TNRC18: variants seen among roughly 807,000 people sequenced by gnomAD.
TNRC18 encodes the protein trinucleotide repeat containing 18, also known as trinucleotide repeat-containing gene 18 protein.
In TNRC18, 69 loss-of-function variants were observed where a neutral mutation model predicts 226.7. The ratio of observed to expected loss-of-function variants is 0.30; its 90% CI spans 0.25 to 0.37. The LOEUF (loss-of-function observed/expected upper bound fraction) is 0.37, where lower values mean the gene tolerates loss of function less well. Ranked by LOEUF, TNRC18 falls within the 10% of genes least tolerant of loss-of-function variation. The pLI, the probability that TNRC18 is intolerant of heterozygous loss-of-function variation, is 1.00. For synonymous variants in TNRC18, 2,449 were observed against 1,927.6 expected, an observed-to-expected ratio of 1.27 and a Z score of -7.09; for missense variants, 4,754 against 4,256.6, an observed-to-expected ratio of 1.12 and a Z score of -3.25.
intron 16 of TNRC18, among the ~76,000 whole-genome samples, chr7:5,356,501 G>A (rs1351314264): frequency 6.6e-6 from 1 of 152,242 alleles, no homozygotes; most frequent in Non-Finnish European, 1.5e-5. Flanking sequence ...AGGGGAGTCC[G>A]GTCACCTCTA....
chr7:5,309,135 G>A lies in TNRC18; in HGVS notation c.8622C>T (p.Gly2874=). The A allele has an allele frequency of 2.5e-6, 4 of 1,607,932 alleles. No individual in the cohort carries two copies. Among genetic ancestry groups the A allele is most frequent in the Non-Finnish European group, 3.4e-6 (4 of 1,177,974 alleles). The change falls in exon 28 of 30, where the codon GGC becomes GGT. Residue 2874 remains glycine, a synonymous_variant. Transcript: ENST00000430969. The surrounding 1 kb of genome is among the most constrained non-coding windows in gnomAD (Gnocchi z 5.7). ...CGCAGCCGGGCCGCAGGCTCACCTG[G>A]CCCTGGTGGAACTGCTTGCCCGGGC... ...ETSPGKQFHQ[G]QHWDQKSSRS... is the part of the protein sequence containing the mutation.
intron 16 of TNRC18, 37 bp downstream of exon 16, chr7:5,356,879 G>C: frequency 6.7e-7 from 1 of 1,487,176 alleles, no homozygotes; most frequent in East Asian, 2.5e-5. Flanking sequence ...AAGGAGAGAA[G>C]CAGCGGACCA....
rs1484255816 is a variant in TNRC18 at position 5,352,111 on chromosome 7, T to G, written c.5195-17A>C. 1.3e-6 allele frequency: 2 copies of G among 1,584,868 alleles called. No homozygotes were observed. Among genetic ancestry groups the G allele is most frequent in the Admixed American group, 1.8e-5 (1 of 54,712 alleles). On this transcript the variant is annotated splice_polypyrimidine_tract_variant and intron_variant, in intron 16 of 29. Transcript: ENST00000430969. ...AGTCCGTATCTGCAGTCAAAGTAGT[T>G]TTTAATAGAGATAAGTCACAGGGCA...
At chr7:5,403,134 T>TCATA (rs1781223729) in intron 2 of TNRC18, among the ~76,000 whole-genome samples, 1 of 151,182 alleles carries the variant, frequency 6.6e-6, no homozygotes, top group Non-Finnish European at 1.5e-5. Context: ...AGACAGCCCT[T>TCATA]CATAACCAAA....
chr7:5,346,011 C>G (rs1473158389), intron 17 of TNRC18, among the ~76,000 whole-genome samples: 1 of 152,230 alleles, frequency 6.6e-6, no homozygotes, highest in Non-Finnish European at 1.5e-5. Flanking sequence ...CTGAGCCCAA[C>G]GCGGGCATCC....
intron 15 of TNRC18, among the ~76,000 whole-genome samples, chr7:5,358,601 G>A (rs1583901188): frequency 1.3e-5 from 2 of 152,266 alleles, no homozygotes; most frequent in East Asian, 3.9e-4. Flanking sequence ...ATCACCTGAG[G>A]TCAGGAGTTC....
intron 19 of TNRC18, among the ~76,000 whole-genome samples, chr7:5,326,991 G>A (rs1310562254): frequency 1.3e-5 from 2 of 152,062 alleles, no homozygotes; most frequent in African/African-American, 2.4e-5. Flanking sequence ...GGGCATGGTG[G>A]CACACGCCTG....
intron 15 of TNRC18, among the ~76,000 whole-genome samples, chr7:5,358,910 GGAT>G (rs1174360438): frequency 6.6e-6 from 1 of 152,194 alleles, no homozygotes; most frequent in Non-Finnish European, 1.5e-5. Flanking sequence ...CACCTTAAGT[GGAT>G]GATTTCAATG....
intron 28 of TNRC18, 38 bp from the exon 29 acceptor site, chr7:5,308,987 G>C: frequency 6.3e-7 from 1 of 1,575,092 alleles, no homozygotes; most frequent in Non-Finnish European, 8.6e-7. Flanking sequence ...GGTGAGCCCG[G>C]GGGCTGCTGC....
intron 18 of TNRC18, among the ~76,000 whole-genome samples, chr7:5,335,279 G>C (rs1399924015): frequency 1.5e-4 from 18 of 118,226 alleles, no homozygotes; most frequent in African/African-American, 5.3e-4. Flanking sequence ...TACAGCCTGG[G>C]CCACAGAGTG....
intron 2 of TNRC18, among the ~76,000 whole-genome samples, chr7:5,416,901 G>A (rs1346950728): frequency 6.6e-6 from 1 of 151,290 alleles, no homozygotes; most frequent in Non-Finnish European, 1.5e-5. Context: ...CAAGGCAGGA[G>A]GAGCCCAGGA....
At chr7:5,317,978 T>C (rs1389286527) in intron 24 of TNRC18, among the ~76,000 whole-genome samples, 1 of 152,062 alleles carries the variant, frequency 6.6e-6, no homozygotes, top group Non-Finnish European at 1.5e-5. Flanking sequence ...CAGGTGATTC[T>C]TTCCTGCCTC....
intron 15 of TNRC18, 25 bp from the exon 16 acceptor site, chr7:5,357,301 G>C (rs997157804): frequency 3.1e-6 from 5 of 1,591,888 alleles, no homozygotes; most frequent in African/African-American, 1.3e-5. Flanking sequence ...TGGGTCATGG[G>C]TTAAAAGATC....
In TNRC18 at chr7:5,417,776, G is replaced by A. The variant is rs560337084; in HGVS notation, c.187+3284C>T. Among the ~76,000 whole-genome samples the A allele has an allele frequency of 7.9e-5, 12 of 152,220 alleles. No individual in the cohort carries two copies. The East Asian group carries it at 9.7e-4, about 12-fold the overall frequency. ...GAACCCTCCCAGGGCCTCCCTTGTC[G>A]CCTCTAACCAGAGAAAGAAGCCCCT... On this transcript the variant is annotated intron_variant, in intron 2 of 29. Coordinates refer to ENST00000430969, the MANE Select transcript of TNRC18 (RefSeq NM_001080495.3).
At chr7:5,390,024 G>A in intron 4 of TNRC18, 1 of 212,402 alleles carries the variant, frequency 4.7e-6, no homozygotes. Context: ...ACCCAGGGCT[G>A]TGGGTGGGCC....
rs569408244 is a variant in TNRC18, at chr7:5,397,123, G to A, written c.188-2528C>T. ...TCCAGCCAGGCCCAGCCCCCTCACCGGACTCCAGCGCCAAGCCCTCGGGCC... is the reference window on the plus strand; with the variant it reads ...TCCAGCCAGGCCCAGCCCCCTCACCAGACTCCAGCGCCAAGCCCTCGGGCC... On this transcript the variant is annotated intron_variant, in intron 2 of 29. Transcript: ENST00000430969. 4.6e-5 allele frequency among the ~76,000 whole-genome samples: 7 copies of A among 151,720 alleles called. No homozygotes were observed. In the South Asian group the frequency reaches 8.4e-4, roughly 18 times the overall value.
At chr7:5,417,959 G>C (rs566971515) in intron 2 of TNRC18, among the ~76,000 whole-genome samples, 2 of 152,156 alleles carry the variant, frequency 1.3e-5, no homozygotes, top group Non-Finnish European at 1.5e-5. Context: ...CAGAGTGCTA[G>C]CCAAGCCAAG....
At position 5,370,627 on chromosome 7, in the gene TNRC18, G is replaced by T; in HGVS notation, c.3967C>A (p.Leu1323Met). Reference protein sequence around the residue: ...AVPVLGSTCFLEEASSDQFLP... With the variant: ...AVPVLGSTCFMEEASSDQFLP... ...AACTGGTCAGAGCTTGCCTCTTCCAGGAAGCAGGTGCTGCCGAGTACAGGC... is the reference window on the plus strand; with the variant it reads ...AACTGGTCAGAGCTTGCCTCTTCCATGAAGCAGGTGCTGCCGAGTACAGGC... The change falls in exon 11 of 30, where the codon CTG becomes ATG. Residue 1323 changes from leucine to methionine, a missense_variant. By Grantham distance (15) the Leu-to-Met change is conservative (BLOSUM62 2). Coordinates refer to ENST00000430969, the MANE Select transcript of TNRC18 (RefSeq NM_001080495.3). 1 of 1,613,196 alleles carries T rather than the reference G, an allele frequency of 6.2e-7. No individual in the cohort carries two copies. Among genetic ancestry groups the T allele is most frequent in the East Asian group, 2.2e-5 (1 of 44,878 alleles).
intron 2 of TNRC18, among the ~76,000 whole-genome samples, chr7:5,395,325 A>T (rs1780596555): frequency 1.3e-5 from 2 of 152,092 alleles, no homozygotes. Flanking sequence ...CAACCCCTCC[A>T]GACAGCAGGC....
Sources: allele counts gnomAD v4.1 joint callset (sites outside exome capture counted in the v4.1 genomes callset), GRCh38; gene constraint gnomAD v4.1.1; non-coding constraint Gnocchi (gnomAD v3.1); transcripts MANE v1.5; gene names NCBI Gene and HGNC (gene_info 2026-07-23, HGNC 2026-07-21).